KLF12: variants seen among roughly 807,000 people sequenced by gnomAD.
KLF12 encodes KLF transcription factor 12.
In KLF12, 9 loss-of-function variants were observed where a neutral mutation model predicts 37.8. That is an observed-to-expected ratio of 0.24 (90% CI 0.14 to 0.42). KLF12 has a LOEUF of 0.42. Among genes scored for constraint, KLF12 ranks in the 10% least tolerant of loss-of-function variants. KLF12 has a pLI of 1.00. For missense variants in KLF12, 411 were observed against 516.0 expected, an observed-to-expected ratio of 0.80 and a Z score of 1.97; for synonymous variants, 208 against 202.1, an observed-to-expected ratio of 1.03 and a Z score of -0.25.
At chr13:73,720,739 G>C (rs953745820) in intron 6 of KLF12, among the ~76,000 whole-genome samples, 1 of 152,168 alleles carries the variant, frequency 6.6e-6, no homozygotes, top group African/African-American at 2.4e-5. Flanking sequence ...TCCAAGAACA[G>C]CTCTATTTAA....
intron 6 of KLF12, among the ~76,000 whole-genome samples, chr13:73,742,757 C>A (rs373337779): frequency 4.4e-4 from 67 of 152,300 alleles, no homozygotes; most frequent in South Asian, 2.9e-3. Flanking sequence ...AGAGGTCACA[C>A]AGTAGAAATG....
intron 6 of KLF12, among the ~76,000 whole-genome samples, chr13:73,717,022 G>T (rs1193399079): frequency 3.3e-5 from 5 of 152,146 alleles, no homozygotes; most frequent in Non-Finnish European, 7.4e-5. Context: ...AACTTTTGCT[G>T]TAAAGGGCTA....
chr13:73,935,944 A>G (rs1889906230), intron 3 of KLF12, among the ~76,000 whole-genome samples: 1 of 152,174 alleles, frequency 6.6e-6, no homozygotes, highest in African/African-American at 2.4e-5. Flanking sequence ...ACAGACATAC[A>G]TGGTGTATGT....
intron 5 of KLF12, among the ~76,000 whole-genome samples, chr13:73,807,072 C>T (rs548597401): frequency 1.6e-3 from 251 of 152,268 alleles, no homozygotes; most frequent in Middle Eastern, 0.01. Flanking sequence ...CTTTGGAAGG[C>T]CGAGGTGGGT....
At chr13:74,302,727 C>T in the KLF12 span, among the ~76,000 whole-genome samples, 2 of 152,088 alleles carry the variant, frequency 1.3e-5, no homozygotes, top group Non-Finnish European at 2.9e-5. Context: ...CCATTGCTCA[C>T]ATGTCCAATG....
At chr13:74,006,727 A>G (rs1275038561) in intron 1 of KLF12, among the ~76,000 whole-genome samples, 2 of 152,182 alleles carry the variant, frequency 1.3e-5, no homozygotes, top group Non-Finnish European at 2.9e-5. Context: ...CTTATCTTTG[A>G]GTCAATGTTA....
intron 4 of KLF12, among the ~76,000 whole-genome samples, chr13:73,820,465 G>A (rs1883460210): frequency 6.6e-6 from 1 of 152,156 alleles, no homozygotes. Context: ...TGACTCAAAG[G>A]ACGGTGAACT....
At chr13:73,979,354 AACACACACACACACAC>A (rs71115629) in intron 2 of KLF12, among the ~76,000 whole-genome samples, 27 of 139,706 alleles carry the variant, frequency 1.9e-4, no homozygotes, top group Admixed American at 2.9e-4. Context: ...TCTGCTTTTA[AACACACACACACACAC>A]ACACACACAC....
chr13:73,899,355 G>A (rs1027485920), intron 3 of KLF12, among the ~76,000 whole-genome samples: 2 of 152,134 alleles, frequency 1.3e-5, no homozygotes, highest in African/African-American at 4.8e-5. Context: ...ATGGAAGGAG[G>A]GGAAGTAAGT....
At chr13:74,239,996 C>G in the KLF12 span, among the ~76,000 whole-genome samples, 1 of 150,650 alleles carries the variant, frequency 6.6e-6, no homozygotes, top group Non-Finnish European at 1.5e-5. Flanking sequence ...ATGATGTTAG[C>G]TGGTTATTTT....
intron 3 of KLF12, among the ~76,000 whole-genome samples, chr13:73,928,039 G>A (rs1889485759): frequency 6.6e-6 from 1 of 151,992 alleles, no homozygotes; most frequent in Non-Finnish European, 1.5e-5. Context: ...TGTATTTTTA[G>A]TAGAGACGGG....
At chr13:74,114,244 G>A (rs1409254772) in intron 1 of KLF12, among the ~76,000 whole-genome samples, 2 of 152,100 alleles carry the variant, frequency 1.3e-5, no homozygotes, top group African/African-American at 4.8e-5. Flanking sequence ...ATCCAAGCAA[G>A]ACCCTCCACC....
At chr13:74,095,030 T>C (rs983068689) in intron 1 of KLF12, among the ~76,000 whole-genome samples, 1 of 152,232 alleles carries the variant, frequency 6.6e-6, no homozygotes, top group Non-Finnish European at 1.5e-5. Flanking sequence ...CTTTCACTTG[T>C]TTTATAGTTA....
the KLF12 span, among the ~76,000 whole-genome samples, chr13:74,142,015 C>A: frequency 1.3e-5 from 2 of 152,146 alleles, no homozygotes; most frequent in South Asian, 2.1e-4. Flanking sequence ...AAGTTATTGG[C>A]CATCATTTTA....
chr13:73,889,782 T>C (rs1420731495), intron 3 of KLF12, among the ~76,000 whole-genome samples: 1 of 152,062 alleles, frequency 6.6e-6, no homozygotes, highest in Non-Finnish European at 1.5e-5. Flanking sequence ...CAAAATAAAA[T>C]TTTAAAATAT....
At chr13:73,991,298 G>A (rs528709776) in intron 2 of KLF12, among the ~76,000 whole-genome samples, 122 of 152,242 alleles carry the variant, frequency 8.0e-4, no homozygotes, top group Non-Finnish European at 1.5e-3. Flanking sequence ...AAATTCCAAG[G>A]CGTGCTCAAC....
chr13:74,179,751 C>A, the KLF12 span, among the ~76,000 whole-genome samples: 1 of 152,156 alleles, frequency 6.6e-6, no homozygotes, highest in African/African-American at 2.4e-5. Flanking sequence ...ACAGCTTTAT[C>A]CCTCTTCTTT....
intron 2 of KLF12, among the ~76,000 whole-genome samples, chr13:73,966,208 C>A (rs1451170483): frequency 6.6e-6 from 1 of 152,096 alleles, no homozygotes. Flanking sequence ...ATATATAATA[C>A]AAGCTTGTGC....
the KLF12 span, among the ~76,000 whole-genome samples, chr13:74,218,489 C>T: frequency 2.6e-5 from 4 of 152,112 alleles, no homozygotes; most frequent in African/African-American, 4.8e-5. Flanking sequence ...GCCCCCGCTC[C>T]GCACCCTCCA....
Sources: gnomAD v4.1 joint callset for allele counts (sites outside exome capture counted in the v4.1 genomes callset) on GRCh38, gnomAD v4.1.1 for gene constraint, MANE v1.5 for transcripts, NCBI Gene and HGNC (gene_info 2026-07-23, HGNC 2026-07-21) for gene names.